RANBP2: variants seen among roughly 807,000 people sequenced by gnomAD.
RANBP2 encodes the protein E3 SUMO-protein ligase RanBP2.
In RANBP2, 57 loss-of-function variants were observed where a neutral mutation model predicts 303.6. The observed-to-expected ratio is 0.19, with a 90% CI of 0.15 to 0.23. The LOEUF (loss-of-function observed/expected upper bound fraction) is 0.23, where lower values mean the gene tolerates loss of function less well. Among genes scored for constraint, RANBP2 ranks in the 10% least tolerant of loss-of-function variants. The pLI is 1.00. For synonymous variants in RANBP2, 1,167 were observed against 1,301.5 expected (o/e 0.90, Z 2.23); for missense variants, 3,138 against 3,780.8 (o/e 0.83, Z 4.46).
chr2:109,575,289 T>C, the RANBP2 span, among the ~76,000 whole-genome samples: 5 of 152,326 alleles, frequency 3.3e-5, no homozygotes, highest in Middle Eastern at 6.8e-3. Context: ...AGAAAATGCA[T>C]AGGCATCAAT....
the RANBP2 span, among the ~76,000 whole-genome samples, chr2:109,640,191 G>C: frequency 6.6e-6 from 1 of 151,144 alleles, no homozygotes; most frequent in Non-Finnish European, 1.5e-5. Context: ...AGTGGCTCAT[G>C]CCTGTAATCC....
At chr2:109,633,420 AAAAC>A in the RANBP2 span, among the ~76,000 whole-genome samples, 14 of 151,652 alleles carry the variant, frequency 9.2e-5, no homozygotes, top group Admixed American at 8.6e-4. Flanking sequence ...AAAACAAAAC[AAAAC>A]AAAAAAACAG....
chr2:108,929,117 G>A, the RANBP2 span: 1 of 1,537,036 alleles, frequency 6.5e-7, no homozygotes, highest in Non-Finnish European at 8.9e-7. Flanking sequence ...CATGACCCCT[G>A]TTCCCAAGGT....
the RANBP2 span, among the ~76,000 whole-genome samples, chr2:109,181,094 G>A: frequency 6.6e-6 from 1 of 152,240 alleles, no homozygotes; most frequent in Non-Finnish European, 1.5e-5. Flanking sequence ...GCATGAGCAT[G>A]TGGAGGTGGT....
At chr2:109,347,073 G>A in the RANBP2 span, among the ~76,000 whole-genome samples, 1 of 152,312 alleles carries the variant, frequency 6.6e-6, no homozygotes, top group Non-Finnish European at 1.5e-5. Context: ...CACGACGGAT[G>A]CCATGCACGC....
the RANBP2 span, among the ~76,000 whole-genome samples, chr2:108,832,164 G>A: frequency 1.3e-5 from 2 of 151,820 alleles, no homozygotes; most frequent in Non-Finnish European, 2.9e-5. Context: ...CTAGTAGCTG[G>A]GATTACAGGT....
chr2:109,631,221 C>T, the RANBP2 span, among the ~76,000 whole-genome samples: 2 of 151,986 alleles, frequency 1.3e-5, no homozygotes, highest in African/African-American at 4.8e-5. Flanking sequence ...TCTCATTCAG[C>T]TCCGAGATAA....
At chr2:109,217,693 G>A in the RANBP2 span, among the ~76,000 whole-genome samples, 3 of 152,202 alleles carry the variant, frequency 2.0e-5, no homozygotes, top group Admixed American at 1.3e-4. Context: ...CCAGATGTCC[G>A]AAGACCTTTT....
the RANBP2 span, among the ~76,000 whole-genome samples, chr2:108,869,813 C>T: frequency 0.91 from 139,026 of 152,144 alleles, 63,600 homozygotes; most frequent in East Asian, 1. Context: ...GTAGTGAAGG[C>T]CTTTCATGTC....
Position 108,765,146 on chromosome 2 carries a change from T to A in RANBP2, c.4607T>A (p.Phe1536Tyr). The A allele has an allele frequency of 6.2e-7, 1 of 1,614,164 alleles. No individual in the cohort carries two copies. Among genetic ancestry groups the A allele is most frequent in the Non-Finnish European group, 8.5e-7 (1 of 1,179,990 alleles). ...SETSKTLKSG[F>Y]EDMFAKKEGQ... ...ACAAGTAAAACTCTAAAAAGTGGATTTGAAGACATGTTTGCTAAGAAGGAA... is the reference window on the plus strand; with the variant it reads ...ACAAGTAAAACTCTAAAAAGTGGATATGAAGACATGTTTGCTAAGAAGGAA... The change falls in exon 20 of 29, where the codon TTT becomes TAT. Residue 1536 changes from phenylalanine to tyrosine, a missense_variant. Transcript: ENST00000283195.
chr2:109,065,459 C>T, the RANBP2 span, among the ~76,000 whole-genome samples: 1 of 152,182 alleles, frequency 6.6e-6, no homozygotes, highest in Non-Finnish European at 1.5e-5. Context: ...AACCCCGCAG[C>T]ATCCTGTGTA....
chr2:109,122,993 C>T, the RANBP2 span, among the ~76,000 whole-genome samples: 1 of 152,210 alleles, frequency 6.6e-6, no homozygotes, highest in Admixed American at 6.5e-5. Context: ...CGGTAACTTG[C>T]ACAGTGACGG....
At chr2:109,553,266 C>A in the RANBP2 span, 184 of 1,600,400 alleles carry the variant, frequency 1.1e-4, no homozygotes, top group Middle Eastern at 1.8e-4. Flanking sequence ...TGATATAGGT[C>A]GGGTATGGCG....
At chr2:108,821,928 CA>C in the RANBP2 span, among the ~76,000 whole-genome samples, 155 of 130,816 alleles carry the variant, frequency 1.2e-3, no homozygotes, top group Middle Eastern at 0.012. Context: ...AACTTTGTCT[CA>C]AAAAAAAAAA....
the RANBP2 span, among the ~76,000 whole-genome samples, chr2:109,263,934 A>C: frequency 1.2e-4 from 18 of 152,316 alleles, no homozygotes; most frequent in South Asian, 4.1e-4. Context: ...GTGCCACTGC[A>C]CTCCAGCCTG....
At chr2:109,546,936 A>C in the RANBP2 span, among the ~76,000 whole-genome samples, 22 of 152,216 alleles carry the variant, frequency 1.4e-4, no homozygotes, top group Non-Finnish European at 2.6e-4. Flanking sequence ...GGAGAGCAGA[A>C]TGTGCAGGAC....
the RANBP2 span, chr2:109,614,465 T>A: frequency 8.3e-7 from 1 of 1,210,348 alleles, no homozygotes; most frequent in Non-Finnish European, 1.0e-6. Flanking sequence ...AGCCGCCCGC[T>A]GGCGGGGGAG....
the RANBP2 span, among the ~76,000 whole-genome samples, chr2:109,481,391 C>A: frequency 6.6e-6 from 1 of 152,106 alleles, no homozygotes; most frequent in Non-Finnish European, 1.5e-5. Context: ...CTTCTGGCAG[C>A]GTTCCTGCCC....
chr2:109,567,828 T>C, the RANBP2 span: 22 of 1,602,862 alleles, frequency 1.4e-5, no homozygotes, highest in East Asian at 6.7e-5. Context: ...CATTGCAGCG[T>C]TGACCTTAGC....
Sources: allele counts gnomAD v4.1 joint callset (sites outside exome capture counted in the v4.1 genomes callset), GRCh38; gene constraint gnomAD v4.1.1; transcripts MANE v1.5; gene names NCBI Gene and HGNC (gene_info 2026-07-23, HGNC 2026-07-21).